The following NCAM2 variants were observed in gnomAD, a reference collection of about 807,000 sequenced individuals.
The protein encoded by NCAM2 is neural cell adhesion molecule 2, also known as N-CAM-2.
Under a neutral mutation model 98.1 loss-of-function variants are expected in NCAM2, and 30 were observed. The observed-to-expected ratio is 0.31, with a 90% CI of 0.23 to 0.41. The LOEUF (loss-of-function observed/expected upper bound fraction) is 0.41. NCAM2 is among the 10% of genes least tolerant of loss of function. The probability of loss-of-function intolerance (pLI) is 1.00; values close to 1 mark genes in which losing one functional copy is unlikely to be tolerated. For missense variants in NCAM2, 867 were observed against 1,005.8 expected, an observed-to-expected ratio of 0.86 and a Z score of 1.87; for synonymous variants, 368 against 342.4, an observed-to-expected ratio of 1.07 and a Z score of -0.83.
At chr21:21,303,484 A>G (rs2073787407) in intron 5 of NCAM2, among the ~76,000 whole-genome samples, 1 of 152,084 alleles carries the variant, frequency 6.6e-6, no homozygotes. Context: ...TTAGTATTCA[A>G]TTTTAAGAAG....
At chr21:21,304,850 C>A (rs2073831677) in intron 5 of NCAM2, among the ~76,000 whole-genome samples, 1 of 152,102 alleles carries the variant, frequency 6.6e-6, no homozygotes, top group South Asian at 2.1e-4. Flanking sequence ...CATCTTTTGG[C>A]AGATTTATCT....
At chr21:21,213,664 A>T (rs1422355365) in intron 1 of NCAM2, among the ~76,000 whole-genome samples, 5 of 152,194 alleles carry the variant, frequency 3.3e-5, no homozygotes, top group Non-Finnish European at 5.9e-5. Flanking sequence ...TTTGAAACAC[A>T]TTCAGTTAGT....
chr21:21,108,647 T>G (rs930204807), intron 1 of NCAM2, among the ~76,000 whole-genome samples: 5 of 152,140 alleles, frequency 3.3e-5, no homozygotes, highest in African/African-American at 1.2e-4. Flanking sequence ...TGAATAATAA[T>G]GTTCAGCAGA....
chr21:21,211,270 C>T (rs2069651521), intron 1 of NCAM2, among the ~76,000 whole-genome samples: 1 of 152,098 alleles, frequency 6.6e-6, no homozygotes, highest in Non-Finnish European at 1.5e-5. Context: ...GTCTGACTTC[C>T]AGCAAATTAT....
At chr21:21,357,883 T>G (rs557296408) in intron 8 of NCAM2, among the ~76,000 whole-genome samples, 2 of 152,236 alleles carry the variant, frequency 1.3e-5, no homozygotes, top group African/African-American at 4.8e-5. Flanking sequence ...AATAAAATAC[T>G]TTAGCAAATA....
chr21:21,127,365 A>C (rs79160182), intron 1 of NCAM2, among the ~76,000 whole-genome samples: 2,253 of 152,050 alleles, frequency 0.015, 64 homozygotes, highest in African/African-American at 0.052. Context: ...TATGCAGTAC[A>C]TTGATATTTT....
In NCAM2 at chr21:21,509,004, G is replaced by T. The variant is rs1416946353; in HGVS notation, c.2231G>T (p.Ser744Ile). 5.0e-6 allele frequency: 8 copies of T among 1,613,466 alleles called. No individual in the cohort carries two copies. The highest frequency in any genetic ancestry group is 3.3e-5 in the Admixed American group (2 of 59,942). ...ACTAGGAGAATGTGTGGAAAGAAAAGTGGCTCCAGTGGCAAAAGTAAAGAA... is the reference window on the plus strand; with the variant it reads ...ACTAGGAGAATGTGTGGAAAGAAAATTGGCTCCAGTGGCAAAAGTAAAGAA... ...CITRRMCGKK[S>I]GSSGKSKELE... Residue 744 changes from serine to isoleucine, a missense_variant, in exon 16 of 18, where the codon AGT (serine) becomes ATT (isoleucine). This residue lies in a region of NCAM2 where 125 missense variants were observed against 116.1 expected (regional missense o/e 1.08). Coordinates refer to ENST00000400546, the MANE Select transcript of NCAM2 (RefSeq NM_004540.5).
intron 1 of NCAM2, among the ~76,000 whole-genome samples, chr21:21,264,972 CAT>C (rs1217332324): frequency 1.2e-5 from 1 of 82,514 alleles, no homozygotes; most frequent in African/African-American, 3.6e-5. Flanking sequence ...TATATATACA[CAT>C]ATATATTATA....
chr21:21,093,419 A>G (rs2066054445), intron 1 of NCAM2, among the ~76,000 whole-genome samples: 1 of 152,086 alleles, frequency 6.6e-6, no homozygotes, highest in Admixed American at 6.6e-5. Flanking sequence ...GTCTGTGAAC[A>G]GCGAGTCCAT....
intron 12 of NCAM2, among the ~76,000 whole-genome samples, chr21:21,454,587 G>T (rs1022996851): frequency 6.6e-6 from 1 of 151,694 alleles, no homozygotes; most frequent in Non-Finnish European, 1.5e-5. Flanking sequence ...TGCATTTGTC[G>T]GTTTCAGCAG....
chr21:21,123,565 C>T (rs372749671), intron 1 of NCAM2, among the ~76,000 whole-genome samples: 3 of 152,126 alleles, frequency 2.0e-5, no homozygotes, highest in African/African-American at 7.2e-5. Flanking sequence ...CCGAGATCAA[C>T]CTGCAATGTT....
At chr21:21,089,261 G>T (rs1601334104) in intron 1 of NCAM2, among the ~76,000 whole-genome samples, 1 of 152,162 alleles carries the variant, frequency 6.6e-6, no homozygotes, top group East Asian at 1.9e-4. Context: ...AAATAAAACT[G>T]CCTTTAAAAT....
chr21:21,486,936 A>T (rs907867636), intron 15 of NCAM2, among the ~76,000 whole-genome samples: 5 of 152,162 alleles, frequency 3.3e-5, no homozygotes, highest in Non-Finnish European at 5.9e-5. Context: ...CCTAAACTTT[A>T]TAAGCAGTCT....
At chr21:21,491,495 CAAATAGTA>C (rs1986840214) in intron 15 of NCAM2, among the ~76,000 whole-genome samples, 2 of 151,404 alleles carry the variant, frequency 1.3e-5, no homozygotes, top group Non-Finnish European at 3.0e-5. Context: ...GTATGAAACA[CAAATAGTA>C]AGTTGAAATT....
chr21:21,471,894 C>T (rs1017543840), intron 14 of NCAM2, among the ~76,000 whole-genome samples: 2 of 151,912 alleles, frequency 1.3e-5, no homozygotes, highest in Non-Finnish European at 2.9e-5. Context: ...GTAATAAAAG[C>T]AGAATGAGAT....
intron 1 of NCAM2, among the ~76,000 whole-genome samples, chr21:21,145,322 T>A (rs2067249099): frequency 6.6e-6 from 1 of 152,186 alleles, no homozygotes; most frequent in Non-Finnish European, 1.5e-5. Flanking sequence ...TGATTATGCA[T>A]AATGTCCTTC....
chr21:21,367,022 C>T (rs557915094), intron 8 of NCAM2, among the ~76,000 whole-genome samples: 2 of 152,106 alleles, frequency 1.3e-5, no homozygotes, highest in South Asian at 4.1e-4. Flanking sequence ...CATGGTATCG[C>T]TGTTCACAGG....
chr21:21,265,451 C>CGTGT (rs2072218772), intron 1 of NCAM2, among the ~76,000 whole-genome samples: 1 of 102,050 alleles, frequency 9.8e-6, no homozygotes, highest in Admixed American at 1.1e-4. Context: ...TATATACACA[C>CGTGT]ATATATAATA....
At chr21:21,297,008 A>G (rs986657797) in intron 5 of NCAM2, among the ~76,000 whole-genome samples, 2 of 151,766 alleles carry the variant, frequency 1.3e-5, no homozygotes, top group Admixed American at 6.6e-5. Context: ...GTACACATAT[A>G]TTTTTTAAAG....
Sources: allele counts gnomAD v4.1 joint callset (sites outside exome capture counted in the v4.1 genomes callset), GRCh38; gene constraint gnomAD v4.1.1; regional missense constraint gnomAD v4.1.1; transcripts MANE v1.5; gene names NCBI Gene and HGNC (gene_info 2026-07-23, HGNC 2026-07-21).